The following PEMT variants were observed in gnomAD, a reference collection of about 807,000 sequenced individuals.
The protein encoded by PEMT is phospholipid methyltransferase.
Under a neutral mutation model 27.4 loss-of-function variants are expected in PEMT, and 23 were observed. The observed-to-expected ratio is 0.84, with a 90% CI of 0.60 to 1.19. The LOEUF (loss-of-function observed/expected upper bound fraction) is 1.19. Among genes scored for constraint, PEMT ranks in the 50% most tolerant of loss-of-function variants. PEMT has a pLI of 0.00. For missense variants in PEMT, 307 were observed against 310.1 expected (o/e 0.99, Z 0.07); for synonymous variants, 137 against 139.1 (o/e 0.98, Z 0.11).
intron 2 of PEMT, among the ~76,000 whole-genome samples, chr17:17,524,287 A>G (rs1767972356): frequency 6.6e-6 from 1 of 152,180 alleles, no homozygotes; most frequent in African/African-American, 2.4e-5. Context: ...CAGTGCTCTC[A>G]GGTATACACC....
intron 1 of PEMT, among the ~76,000 whole-genome samples, chr17:17,579,748 G>A (rs775018174): frequency 4.6e-5 from 7 of 152,220 alleles, no homozygotes; most frequent in Non-Finnish European, 8.8e-5. Context: ...TAGGACCAAA[G>A]GTGCACTGCT....
At chr17:17,533,776 G>A (rs899133194) in intron 2 of PEMT, among the ~76,000 whole-genome samples, 2 of 151,678 alleles carry the variant, frequency 1.3e-5, no homozygotes, top group South Asian at 2.1e-4. Flanking sequence ...TGTTGCCCAG[G>A]CTGGAGTGCA....
At chr17:17,585,070 G>T (rs1407148661) in intron 1 of PEMT, among the ~76,000 whole-genome samples, 1 of 152,220 alleles carries the variant, frequency 6.6e-6, no homozygotes, top group African/African-American at 2.4e-5. Flanking sequence ...AGGCGCGGTG[G>T]CTCACGCCTG....
chr17:17,577,045 GCA>G lies in PEMT; in HGVS notation c.97-20_97-19del. The G allele has an allele frequency of 4.4e-6, 7 of 1,584,578 alleles. No homozygotes were observed. Among genetic ancestry groups the G allele is most frequent in the Non-Finnish European group, 5.2e-6 (6 of 1,153,468 alleles). ...AAGTCTGCCTGCAGGGACAGAGCTA[GCA>G]TCAGCACCACCCAGACACAGCAGGG... On this transcript the variant is annotated intron_variant, in intron 1 of 6. Coordinates refer to ENST00000255389, the MANE Select transcript of PEMT (RefSeq NM_148172.3).
intron 3 of PEMT, among the ~76,000 whole-genome samples, chr17:17,515,866 TG>T (rs1258016742): frequency 6.6e-6 from 1 of 152,226 alleles, no homozygotes; most frequent in Non-Finnish European, 1.5e-5. Context: ...TTTTAAGACC[TG>T]GATTGAACCT....
chr17:17,586,263 AGAAAGAAAGAAAGAAAGAAAGAAAG>A (rs1567759252), intron 1 of PEMT, among the ~76,000 whole-genome samples: 14 of 118,400 alleles, frequency 1.2e-4, no homozygotes, highest in African/African-American at 4.5e-4. Flanking sequence ...AAAGAAAGAA[AGAAAGAAAGAAAGAAAGAAAGAAAG>A]AAAAAAAAAA....
chr17:17,558,888 A>G (rs929298923), intron 2 of PEMT, among the ~76,000 whole-genome samples: 8 of 152,070 alleles, frequency 5.3e-5, no homozygotes, highest in Non-Finnish European at 1.0e-4. Flanking sequence ...CCACCCAACC[A>G]GGGTCCTAAG....
At chr17:17,555,717 C>T (rs570495166) in intron 2 of PEMT, among the ~76,000 whole-genome samples, 1 of 152,318 alleles carries the variant, frequency 6.6e-6, no homozygotes, top group East Asian at 1.9e-4. Flanking sequence ...AAGCCTGTCA[C>T]GATCATCCCA....
At chr17:17,553,727 C>A (rs1246878691) in intron 2 of PEMT, among the ~76,000 whole-genome samples, 1 of 152,238 alleles carries the variant, frequency 6.6e-6, no homozygotes, top group African/African-American at 2.4e-5. Flanking sequence ...CAGCACTTGG[C>A]AGTCAGATGT....
intron 2 of PEMT, among the ~76,000 whole-genome samples, chr17:17,527,717 T>C (rs1041846059): frequency 6.6e-6 from 1 of 152,212 alleles, no homozygotes; most frequent in African/African-American, 2.4e-5. Flanking sequence ...AGAGGCTAAG[T>C]CCAAGCTATT....
intron 5 of PEMT, among the ~76,000 whole-genome samples, chr17:17,509,106 C>A (rs1014658815): frequency 1.3e-5 from 2 of 152,268 alleles, no homozygotes; most frequent in Non-Finnish European, 2.9e-5. Context: ...GCTGTGCTGG[C>A]GCCAAAGACG....
rs1358902355 is a variant in PEMT, at chr17:17,543,452, C to T, written c.205-21057G>A. 7.2e-5 allele frequency among the ~76,000 whole-genome samples: 11 copies of T among 152,330 alleles called. No individual in the cohort carries two copies. The East Asian group carries it at 2.1e-3, about 29-fold the overall frequency. On this transcript the variant is annotated intron_variant, in intron 2 of 6. Transcript: ENST00000255389. ...GGAAGGTGGCTGCCCTTTGAAGGGGCCACGGAAGGCAGCGCACGCCACCTG... is the reference window on the plus strand; with the variant it reads ...GGAAGGTGGCTGCCCTTTGAAGGGGTCACGGAAGGCAGCGCACGCCACCTG...
intron 3 of PEMT, among the ~76,000 whole-genome samples, chr17:17,515,519 G>A (rs1906762004): frequency 1.3e-5 from 2 of 152,160 alleles, no homozygotes; most frequent in Non-Finnish European, 2.9e-5. Context: ...AATGCTCTGT[G>A]GGTCATTTGC....
At chr17:17,556,005 C>T (rs1367895995) in intron 2 of PEMT, among the ~76,000 whole-genome samples, 1 of 152,244 alleles carries the variant, frequency 6.6e-6, no homozygotes, top group African/African-American at 2.4e-5. Context: ...TGAAGTGCTG[C>T]GCACTGTGCC....
chr17:17,576,958 C>T lies in PEMT; in HGVS notation c.166G>A (p.Val56Ile), dbSNP rs372021222. 1.2e-4 allele frequency: 194 copies of T among 1,613,934 alleles called. No homozygotes were observed. The highest frequency in any genetic ancestry group is 1.6e-4 in the Middle Eastern group (1 of 6,062). The change falls in exon 2 of 7, where the codon GTC becomes ATC. Residue 56 changes from valine to isoleucine, a missense_variant. Physicochemically the swap from Val to Ile is conservative, Grantham distance 29 (BLOSUM62 3). Transcript: ENST00000255389. ...DPLDPSFVAA[V>I]ITITFNPLYW... ...AGCGGATTGAAGGTGATGGTGATGACGGCAGCCACAAAGCTGGGATCCAGG... is the reference window on the plus strand; with the variant it reads ...AGCGGATTGAAGGTGATGGTGATGATGGCAGCCACAAAGCTGGGATCCAGG...
chr17:17,548,578 C>T (rs745623295), intron 2 of PEMT, among the ~76,000 whole-genome samples: 65 of 152,076 alleles, frequency 4.3e-4, no homozygotes, highest in Non-Finnish European at 8.2e-4. Context: ...GACGCAGTTT[C>T]GCTCTTGTTG....
intron 2 of PEMT, among the ~76,000 whole-genome samples, chr17:17,553,601 G>A (rs985420355): frequency 3.3e-5 from 5 of 152,172 alleles, no homozygotes; most frequent in African/African-American, 9.7e-5. Context: ...CGATGGGCCC[G>A]CGTCCACCCA....
intron 1 of PEMT, 106 bp downstream of exon 1, chr17:17,591,425 A>G: frequency 1.1e-6 from 1 of 944,826 alleles, no homozygotes; most frequent in Non-Finnish European, 1.6e-6. Context: ...TTGCCTGGGA[A>G]CTGGCGGCCC....
chr17:17,579,501 A>T (rs1405804260), intron 1 of PEMT, among the ~76,000 whole-genome samples: 1 of 152,090 alleles, frequency 6.6e-6, no homozygotes, highest in African/African-American at 2.4e-5. Context: ...AACATAGTGA[A>T]ACCCCGTCTC....
Sources: gnomAD v4.1 joint callset for allele counts (sites outside exome capture counted in the v4.1 genomes callset) on GRCh38, gnomAD v4.1.1 for gene constraint, MANE v1.5 for transcripts, NCBI Gene and HGNC (gene_info 2026-07-23, HGNC 2026-07-21) for gene names.